Variants in ALK observed in about 807,000 individuals in gnomAD.
ALK encodes ALK receptor tyrosine kinase.
ALK carries 74 observed loss-of-function variants against 163.1 expected under a neutral mutation model. The observed-to-expected ratio is 0.45, with a 90% CI of 0.38 to 0.55. The LOEUF is 0.55. Ranked by LOEUF, ALK falls within the 20% of genes least tolerant of loss-of-function variation. The probability of loss-of-function intolerance (pLI) is 0.00; values close to 1 mark genes in which losing one functional copy is unlikely to be tolerated. For synonymous variants in ALK, 960 were observed against 843.2 expected, an observed-to-expected ratio of 1.14 and a Z score of -2.40; for missense variants, 2,063 against 2,105.3, an observed-to-expected ratio of 0.98 and a Z score of 0.39.
chr2:29,860,949 T>C (rs1011999435), intron 1 of ALK, among the ~76,000 whole-genome samples: 17 of 152,130 alleles, frequency 1.1e-4, no homozygotes, highest in Middle Eastern at 3.2e-3. Flanking sequence ...GGCAGGTGGA[T>C]TGCTTGAGCC....
At chr2:29,821,250 G>A (rs970815603) in intron 1 of ALK, among the ~76,000 whole-genome samples, 6 of 151,938 alleles carry the variant, frequency 3.9e-5, no homozygotes, top group Non-Finnish European at 7.4e-5. Context: ...TCCTACCCTC[G>A]GTGTTATAGT....
chr2:29,539,393 A>G (rs1673352622), intron 3 of ALK, among the ~76,000 whole-genome samples: 1 of 152,136 alleles, frequency 6.6e-6, no homozygotes, highest in African/African-American at 2.4e-5. Context: ...AATAATTAAG[A>G]TTATTATGTT....
chr2:29,463,686 A>C (rs1390602773), intron 4 of ALK, among the ~76,000 whole-genome samples: 2 of 152,222 alleles, frequency 1.3e-5, no homozygotes, highest in Non-Finnish European at 2.9e-5. Flanking sequence ...CAGCTTGGTG[A>C]CTAAGTCAAG....
intron 3 of ALK, among the ~76,000 whole-genome samples, chr2:29,614,994 A>AT (rs1308931540): frequency 6.6e-6 from 1 of 152,006 alleles, no homozygotes; most frequent in African/African-American, 2.4e-5. Flanking sequence ...TTATTTATTC[A>AT]TTTTTTAAGA....
At chr2:29,320,473 G>C (rs1243018900) in intron 7 of ALK, among the ~76,000 whole-genome samples, 1 of 152,206 alleles carries the variant, frequency 6.6e-6, no homozygotes, top group Non-Finnish European at 1.5e-5. Context: ...CATACTTGTT[G>C]ATGGAAAGGA....
At chr2:29,260,580 T>TA (rs1665061289) in intron 11 of ALK, among the ~76,000 whole-genome samples, 1 of 152,186 alleles carries the variant, frequency 6.6e-6, no homozygotes, top group South Asian at 2.1e-4. Flanking sequence ...CTCATGCCTG[T>TA]AATCCCAGCA....
At chr2:29,373,726 GCGAATTTCCTTCCTGGTTCCAC>G (rs1449776697) in intron 5 of ALK, among the ~76,000 whole-genome samples, 7 of 152,234 alleles carry the variant, frequency 4.6e-5, no homozygotes, top group Non-Finnish European at 8.8e-5. Context: ...GGAAAGACCA[GCGAATTTCCTTCCTGGTTCCAC>G]CTGCTTTGGC....
At chr2:29,232,695 A>G (rs1396383515) in intron 14 of ALK, among the ~76,000 whole-genome samples, 5 of 152,186 alleles carry the variant, frequency 3.3e-5, no homozygotes, top group Admixed American at 2.0e-4. Context: ...CAAAATATAG[A>G]TACCAGGAGG....
chr2:29,635,843 C>A (rs1416489714), intron 3 of ALK, among the ~76,000 whole-genome samples: 1 of 151,752 alleles, frequency 6.6e-6, no homozygotes, highest in Admixed American at 6.6e-5. Context: ...GTTGGCCAGA[C>A]TGGTCACGAA....
chr2:29,487,826 C>A (rs567948573), intron 4 of ALK, among the ~76,000 whole-genome samples: 2 of 152,170 alleles, frequency 1.3e-5, no homozygotes, highest in South Asian at 4.2e-4. Context: ...TAGATGGCAC[C>A]AGATCGAGAA....
intron 1 of ALK, among the ~76,000 whole-genome samples, chr2:29,784,977 G>T (rs1355938763): frequency 2.0e-4 from 1 of 5,056 alleles, no homozygotes; most frequent in Non-Finnish European, 1.2e-3. Context: ...ATGTGCCTCT[G>T]ACACAGAAGG....
chr2:29,790,358 T>C (rs762856361), intron 1 of ALK, among the ~76,000 whole-genome samples: 5 of 152,100 alleles, frequency 3.3e-5, no homozygotes, highest in African/African-American at 4.8e-5. Context: ...ACAAGTGACA[T>C]AGACTGGGCT....
chr2:29,271,996 G>A (rs923375426), intron 11 of ALK, among the ~76,000 whole-genome samples: 1 of 152,180 alleles, frequency 6.6e-6, no homozygotes, highest in African/African-American at 2.4e-5. Context: ...AGAGGGGTAG[G>A]GAGGTTGAGG....
chr2:29,513,152 T>C (rs1672569662), intron 4 of ALK, among the ~76,000 whole-genome samples: 2 of 150,214 alleles, frequency 1.3e-5, no homozygotes, highest in Admixed American at 1.3e-4. Flanking sequence ...AAAACTACTT[T>C]AAAGTTCATA....
chr2:29,847,288 G>C (rs183797030), intron 1 of ALK, among the ~76,000 whole-genome samples: 14 of 152,252 alleles, frequency 9.2e-5, no homozygotes, highest in Admixed American at 4.6e-4. Context: ...ATAGGGTGGT[G>C]GTAGGGACGT....
chr2:29,572,340 G>A (rs766063756), intron 3 of ALK, among the ~76,000 whole-genome samples: 5 of 152,288 alleles, frequency 3.3e-5, no homozygotes, highest in South Asian at 2.1e-4. Context: ...GTCGGCCACC[G>A]TTTAAATGAA....
intron 12 of ALK, among the ~76,000 whole-genome samples, chr2:29,249,505 A>G (rs1023284946): frequency 6.6e-6 from 1 of 151,968 alleles, no homozygotes; most frequent in African/African-American, 2.4e-5. Flanking sequence ...TGCCTCCCAG[A>G]GTCCAGGCAT....
chr2:29,366,526 ACCTGGAGGT>A (rs1390450372), intron 5 of ALK, among the ~76,000 whole-genome samples: 1 of 152,110 alleles, frequency 6.6e-6, no homozygotes, highest in Non-Finnish European at 1.5e-5. Context: ...GTGTGGGCAG[ACCTGGAGGT>A]CCTGTGGATG....
intron 1 of ALK, among the ~76,000 whole-genome samples, chr2:29,901,678 C>T (rs1667417207): frequency 6.6e-6 from 1 of 152,164 alleles, no homozygotes; most frequent in Non-Finnish European, 1.5e-5. Context: ...GAATTTAGCT[C>T]CTTAAACATT....
Sources: allele counts gnomAD v4.1 joint callset (sites outside exome capture counted in the v4.1 genomes callset), GRCh38; gene constraint gnomAD v4.1.1; transcripts MANE v1.5; gene names NCBI Gene and HGNC (gene_info 2026-07-23, HGNC 2026-07-21).